UBAC2: variants seen among roughly 807,000 people sequenced by gnomAD.
The protein encoded by UBAC2 is ubiquitin-associated domain-containing protein 2.
Under a neutral mutation model 44.0 loss-of-function variants are expected in UBAC2, and 26 were observed. The ratio of observed to expected loss-of-function variants is 0.59; its 90% CI spans 0.43 to 0.82. The LOEUF is 0.82. UBAC2 is among the 40% of genes least tolerant of loss of function. The pLI, the probability that UBAC2 is intolerant of heterozygous loss-of-function variation, is 0.00. For synonymous variants in UBAC2, 155 were observed against 154.3 expected, an observed-to-expected ratio of 1.00 and a Z score of -0.04; for missense variants, 329 against 419.4, an observed-to-expected ratio of 0.78 and a Z score of 1.88.
chr13:99,322,072 C>A (rs1239165821), intron 6 of UBAC2, among the ~76,000 whole-genome samples: 16 of 152,166 alleles, frequency 1.1e-4, no homozygotes, highest in Admixed American at 1.0e-3. Context: ...TGAAATGTTG[C>A]AAAATTGTAA....
intron 1 of UBAC2, among the ~76,000 whole-genome samples, chr13:99,227,566 C>T (rs561552285): frequency 2.4e-4 from 36 of 152,278 alleles, no homozygotes; most frequent in African/African-American, 7.5e-4. Flanking sequence ...TGGGAAGAGA[C>T]GGGAAATATG....
chr13:99,220,614 C>T (rs993086723), intron 1 of UBAC2, among the ~76,000 whole-genome samples: 9 of 152,062 alleles, frequency 5.9e-5, no homozygotes, highest in Admixed American at 2.0e-4. Context: ...TAGATTAATG[C>T]GTTGTCTGTT....
chr13:99,228,871 C>A (rs193193878), intron 1 of UBAC2, among the ~76,000 whole-genome samples: 2 of 152,296 alleles, frequency 1.3e-5, no homozygotes, highest in East Asian at 3.9e-4. Flanking sequence ...CTCACAAGAC[C>A]TTACCAGAGA....
At position 99,295,954 on chromosome 13, in the gene UBAC2, G is replaced by C; in HGVS notation, c.390-18143G>C. The C allele has an allele frequency of 6.2e-7, 1 of 1,614,134 alleles. No homozygotes were observed. The highest frequency in any genetic ancestry group is 8.5e-7 in the Non-Finnish European group (1 of 1,179,978). ...AATTTGTTGAATAGAGGGTGGTAGA[G>C]TTGATTTTTTTCCTGTTTTGAACAA... On this transcript the variant is annotated intron_variant, in intron 4 of 8. Transcript: ENST00000403766. The surrounding 1 kb of genome is among the most constrained non-coding windows in gnomAD (Gnocchi z 4.1).
chr13:99,244,671 G>C, intron 4 of UBAC2, 47 bp downstream of exon 4: 1 of 1,100,540 alleles, frequency 9.1e-7, no homozygotes, highest in Non-Finnish European at 1.4e-6. Context: ...ACTTGAATCT[G>C]ATTTAAAGTG....
chr13:99,246,062 A>T (rs752367491), intron 4 of UBAC2, among the ~76,000 whole-genome samples: 1 of 152,248 alleles, frequency 6.6e-6, no homozygotes, highest in Non-Finnish European at 1.5e-5. Context: ...TTTGAGAACT[A>T]TTAAGCTACT....
intron 7 of UBAC2, among the ~76,000 whole-genome samples, chr13:99,343,079 T>C (rs1213749474): frequency 6.6e-6 from 1 of 152,200 alleles, no homozygotes; most frequent in Non-Finnish European, 1.5e-5. Context: ...CAGGGTGGTC[T>C]GGCATGCCTG....
chr13:99,241,432 G>T (rs1428333520), intron 2 of UBAC2, among the ~76,000 whole-genome samples: 1 of 152,158 alleles, frequency 6.6e-6, no homozygotes, highest in African/African-American at 2.4e-5. Context: ...ATGAGAATGA[G>T]ATTGATACAT....
intron 4 of UBAC2, among the ~76,000 whole-genome samples, chr13:99,265,400 A>G (rs1178439369): frequency 1.3e-5 from 2 of 152,210 alleles, no homozygotes; most frequent in East Asian, 1.9e-4. Context: ...TTTGGAAAAA[A>G]GGTTCTCAGA....
chr13:99,325,277 G>A lies in UBAC2; in HGVS notation c.561+7208G>A, dbSNP rs568883639. Among the ~76,000 whole-genome samples, 18 of 151,736 alleles carry A rather than the reference G, an allele frequency of 1.2e-4. No individual in the cohort carries two copies. The South Asian group carries it at 3.5e-3, about 30-fold the overall frequency. On this transcript the variant is annotated intron_variant, in intron 6 of 8. Coordinates refer to ENST00000403766, the MANE Select transcript of UBAC2 (RefSeq NM_001144072.2). ...GTCACCATGCCCAGCTAATTTTTTT[G>A]TGTTTTTTGTAGAGACGGGGTTTCA...
intron 1 of UBAC2, among the ~76,000 whole-genome samples, chr13:99,204,600 G>A (rs991498706): frequency 3.3e-5 from 5 of 152,122 alleles, no homozygotes; most frequent in African/African-American, 4.8e-5. Context: ...GGGGACACCC[G>A]GGAGGAGACA....
chr13:99,250,399 A>G (rs530365493), intron 4 of UBAC2, among the ~76,000 whole-genome samples: 2 of 152,102 alleles, frequency 1.3e-5, no homozygotes, highest in East Asian at 1.9e-4. Context: ...TGGGTTCTCT[A>G]TTCTGTTCCA....
intron 4 of UBAC2, among the ~76,000 whole-genome samples, chr13:99,274,615 G>A (rs775669174): frequency 5.9e-5 from 9 of 152,074 alleles, no homozygotes; most frequent in Admixed American, 2.6e-4. Context: ...CATGAGGCAC[G>A]TGCCTGGCCT....
intron 8 of UBAC2, among the ~76,000 whole-genome samples, chr13:99,383,158 G>A (rs1482189390): frequency 6.6e-6 from 1 of 152,214 alleles, no homozygotes; most frequent in East Asian, 1.9e-4. Flanking sequence ...GTGCATGTGT[G>A]TGTGTGTGCC....
intron 8 of UBAC2, among the ~76,000 whole-genome samples, chr13:99,371,148 C>T (rs2045400688): frequency 6.6e-6 from 1 of 151,344 alleles, no homozygotes; most frequent in South Asian, 2.1e-4. Context: ...TTGAAGTCTT[C>T]AGGGTTGTTT....
At chr13:99,207,163 C>T (rs774338816) in intron 1 of UBAC2, among the ~76,000 whole-genome samples, 2 of 152,200 alleles carry the variant, frequency 1.3e-5, no homozygotes, top group African/African-American at 2.4e-5. Flanking sequence ...CCTGCTGCTG[C>T]GTTGACCTGG....
chr13:99,327,777 A>T (rs907332332), intron 6 of UBAC2, among the ~76,000 whole-genome samples: 1 of 152,178 alleles, frequency 6.6e-6, no homozygotes, highest in African/African-American at 2.4e-5. Flanking sequence ...TAAAAGATTT[A>T]TGTATCTATT....
intron 4 of UBAC2, among the ~76,000 whole-genome samples, chr13:99,291,554 G>T (rs190370006): frequency 6.6e-6 from 1 of 152,116 alleles, no homozygotes; most frequent in Non-Finnish European, 1.5e-5. Flanking sequence ...TTCTAAAATC[G>T]CATGCCACCT....
intron 4 of UBAC2, among the ~76,000 whole-genome samples, chr13:99,262,734 AAAAAAAG>A (rs1489539307): frequency 5.3e-4 from 78 of 146,070 alleles, no homozygotes; most frequent in African/African-American, 1.9e-3. Flanking sequence ...AAAAAAAAAA[AAAAAAAG>A]GACTTGTGGA....
Sources: gnomAD v4.1 joint callset for allele counts (sites outside exome capture counted in the v4.1 genomes callset) on GRCh38, gnomAD v4.1.1 for gene constraint, Gnocchi (gnomAD v3.1) non-coding constraint, MANE v1.5 for transcripts, NCBI Gene and HGNC (gene_info 2026-07-23, HGNC 2026-07-21) for gene names.